AGBL1: variants seen among roughly 807,000 people sequenced by gnomAD.
AGBL1 encodes cytosolic carboxypeptidase 4.
AGBL1 carries 130 observed loss-of-function variants against 118.9 expected under a neutral mutation model. The ratio of observed to expected loss-of-function variants is 1.09; its 90% CI spans 0.95 to 1.26. The LOEUF (loss-of-function observed/expected upper bound fraction) is 1.26. Among genes scored for constraint, AGBL1 ranks in the 50% most tolerant of loss-of-function variants. The pLI is 0.00. For missense variants in AGBL1, 1,584 were observed against 1,298.1 expected, an observed-to-expected ratio of 1.22 and a Z score of -3.38; for synonymous variants, 555 against 478.9, an observed-to-expected ratio of 1.16 and a Z score of -2.08.
At chr15:86,715,340 G>A (rs773305607) in intron 22 of AGBL1, among the ~76,000 whole-genome samples, 15 of 152,188 alleles carry the variant, frequency 9.9e-5, no homozygotes, top group Non-Finnish European at 1.9e-4. Context: ...AAACAGCTCT[G>A]ATGGACTGCT....
intron 1 of AGBL1, among the ~76,000 whole-genome samples, chr15:86,137,613 C>A (rs2076906395): frequency 6.6e-6 from 1 of 151,912 alleles, no homozygotes; most frequent in South Asian, 2.1e-4. Context: ...TTTTTTTTAA[C>A]TTCTGGAGAA....
chr15:86,101,031 T>C (rs1896683157), intron 1 of AGBL1, among the ~76,000 whole-genome samples: 1 of 152,172 alleles, frequency 6.6e-6, no homozygotes, highest in African/African-American at 2.4e-5. Context: ...GCACAACTTT[T>C]GCTGTGTGCA....
chr15:86,264,873 CT>C (rs758915856), intron 11 of AGBL1, 35 bp downstream of exon 11: 1 of 1,497,774 alleles, frequency 6.7e-7, no homozygotes, highest in Admixed American at 2.2e-5. Context: ...CTCTTTTTTT[CT>C]GTTCTTTGAT....
At chr15:86,967,311 G>T in intron 23 of AGBL1, among the ~76,000 whole-genome samples, 1 of 152,054 alleles carries the variant, frequency 6.6e-6, no homozygotes. Context: ...CTTTTGCTGT[G>T]CAGAAGCTCT....
intron 23 of AGBL1, among the ~76,000 whole-genome samples, chr15:86,929,252 C>A (rs2080579123): frequency 6.6e-6 from 1 of 152,146 alleles, no homozygotes; most frequent in Non-Finnish European, 1.5e-5. Flanking sequence ...GTAGTGACAT[C>A]TGGTCTGGCT....
intron 21 of AGBL1, among the ~76,000 whole-genome samples, chr15:86,672,715 A>C (rs2085768411): frequency 6.7e-6 from 1 of 149,718 alleles, no homozygotes; most frequent in African/African-American, 2.4e-5. Context: ...CTCTTTCTTT[A>C]GAAAGTGATC....
chr15:86,966,591 T>A (rs1003026865), intron 23 of AGBL1, among the ~76,000 whole-genome samples: 1 of 152,106 alleles, frequency 6.6e-6, no homozygotes, highest in Non-Finnish European at 1.5e-5. Context: ...TTTTTTGTCC[T>A]TGTGACAGTT....
intron 19 of AGBL1, among the ~76,000 whole-genome samples, chr15:86,536,409 C>G (rs985115998): frequency 6.6e-6 from 1 of 152,152 alleles, no homozygotes; most frequent in Non-Finnish European, 1.5e-5. Context: ...CTCCCGGGTT[C>G]AAGCAATTCT....
chr15:87,019,397 T>A (rs61006093), intron 24 of AGBL1, among the ~76,000 whole-genome samples: 58,405 of 151,754 alleles, frequency 0.38, 11,739 homozygotes, highest in East Asian at 0.51. Context: ...AAAGCAATGT[T>A]ATAACTGAAG....
intron 23 of AGBL1, among the ~76,000 whole-genome samples, chr15:86,986,889 T>G (rs2081289458): frequency 6.6e-6 from 1 of 152,102 alleles, no homozygotes; most frequent in African/African-American, 2.4e-5. Context: ...GGGCTGAGTC[T>G]GAAAAGAGAG....
chr15:86,753,908 G>A (rs897295737), intron 22 of AGBL1, among the ~76,000 whole-genome samples: 14 of 152,128 alleles, frequency 9.2e-5, no homozygotes, highest in Non-Finnish European at 1.6e-4. Context: ...CTAGAGCTAG[G>A]CATCAGTGAC....
intron 16 of AGBL1, among the ~76,000 whole-genome samples, chr15:86,294,402 C>CAAAAAA (rs35878636): frequency 1.6e-5 from 1 of 63,554 alleles, no homozygotes; most frequent in African/African-American, 6.4e-5. Context: ...GACTTTGTCT[C>CAAAAAA]AAAAAAAAAA....
At position 86,786,554 on chromosome 15, in the gene AGBL1, A is replaced by T. The variant is rs74025483; in HGVS notation, c.3158+112118A>T. On this transcript the variant is annotated intron_variant, in intron 22 of 22. Transcript: ENST00000614907. ...CTAAAATATCACAAATAAAATGGTTATCCTCTCTATACCCATGTCAGAATC... is the reference window on the plus strand; with the variant it reads ...CTAAAATATCACAAATAAAATGGTTTTCCTCTCTATACCCATGTCAGAATC... Among the ~76,000 whole-genome samples the T allele has an allele frequency of 7.9e-3, 1,208 of 152,320 alleles. 15 individuals are homozygous for T. The highest frequency in any genetic ancestry group is 0.027 in the African/African-American group (1,115 of 41,564).
At chr15:86,563,490 G>A (rs1315722086) in intron 21 of AGBL1, among the ~76,000 whole-genome samples, 1 of 151,892 alleles carries the variant, frequency 6.6e-6, no homozygotes, top group Non-Finnish European at 1.5e-5. Context: ...TTGTTTGATT[G>A]CACTGTGGTC....
chr15:87,030,328 A>G (rs1000492218), downstream of AGBL1, among the ~76,000 whole-genome samples: 1 of 152,030 alleles, frequency 6.6e-6, no homozygotes, highest in Non-Finnish European at 1.5e-5. Context: ...TTAAATATCA[A>G]TATTTAAATA....
intron 23 of AGBL1, among the ~76,000 whole-genome samples, chr15:86,942,339 C>T (rs1464744100): frequency 2.0e-5 from 3 of 152,216 alleles, no homozygotes; most frequent in Admixed American, 2.0e-4. Context: ...GGTTCTACTC[C>T]TGGAAGGGCT....
intron 22 of AGBL1, among the ~76,000 whole-genome samples, chr15:86,690,936 GTAT>G (rs1348140574): frequency 1.3e-5 from 2 of 152,036 alleles, no homozygotes; most frequent in South Asian, 2.1e-4. Flanking sequence ...GTTCATAATT[GTAT>G]TATTAATCAG....
At chr15:86,129,896 G>T (rs2076797190) in intron 1 of AGBL1, among the ~76,000 whole-genome samples, 1 of 152,170 alleles carries the variant, frequency 6.6e-6, no homozygotes, top group Admixed American at 6.5e-5. Context: ...ATTTAAAATT[G>T]TGGAATGGGA....
At chr15:87,007,826 A>G (rs2141774368) in intron 24 of AGBL1, among the ~76,000 whole-genome samples, 1 of 152,370 alleles carries the variant, frequency 6.6e-6, no homozygotes, top group Non-Finnish European at 1.5e-5. Context: ...AGCTGGCTCT[A>G]CAATGCTTGT....
Sources: allele counts gnomAD v4.1 joint callset (sites outside exome capture counted in the v4.1 genomes callset), GRCh38; gene constraint gnomAD v4.1.1; transcripts MANE v1.5; gene names NCBI Gene and HGNC (gene_info 2026-07-23, HGNC 2026-07-21).